Variants in ARID1B observed in about 807,000 individuals in gnomAD.
ARID1B encodes the protein AT-rich interaction domain 1B.
Under a neutral mutation model 212.3 loss-of-function variants are expected in ARID1B, and 30 were observed. The ratio of observed to expected loss-of-function variants is 0.14; its 90% confidence interval spans 0.11 to 0.19. The LOEUF (loss-of-function observed/expected upper bound fraction) is 0.19. ARID1B is among the 10% of genes least tolerant of loss of function. The pLI is 1.00. For missense variants in ARID1B, 2,891 were observed against 3,204.0 expected, an observed-to-expected ratio of 0.90 and a Z score of 2.36; for synonymous variants, 1,402 against 1,301.7, an observed-to-expected ratio of 1.08 and a Z score of -1.66.
intron 5 of ARID1B, among the ~76,000 whole-genome samples, chr6:157,097,970 C>T (rs577446045): frequency 1.4e-3 from 213 of 152,266 alleles, no homozygotes; most frequent in Non-Finnish European, 2.6e-3. Context: ...GCACAGCAGT[C>T]GATTTTTCCC....
intron 5 of ARID1B, among the ~76,000 whole-genome samples, chr6:157,102,265 G>A (rs554475793): frequency 6.6e-5 from 10 of 152,184 alleles, no homozygotes; most frequent in Middle Eastern, 3.4e-3. Flanking sequence ...TATAATTTAC[G>A]CAATTGCATC....
In ARID1B at chr6:157,190,122, C is replaced by A; in HGVS notation, c.4143C>A (p.Ala1381=). 1 of 1,614,200 alleles carries A rather than the reference C, an allele frequency of 6.2e-7. No homozygotes were observed. Among genetic ancestry groups the A allele is most frequent in the Non-Finnish European group, 8.5e-7 (1 of 1,180,048 alleles). Residue 1381 remains alanine (A), a synonymous_variant, in exon 15 of 20, where the codon GCC becomes GCA. Transcript: ENST00000636930. This position sits in a 1 kb window ranked among gnomAD's most constrained non-coding sequence, Gnocchi z 4.6. The part of the protein sequence containing the change: ...FPKRNSMTPN[A]PYQQGMSMPD... ...AACGGAACTCCATGACTCCAAACGC[C>A]CCCTACCAGCAGGGCATGAGCATGC...
chr6:156,813,957 T>C (rs1015808094), intron 1 of ARID1B, among the ~76,000 whole-genome samples: 1 of 152,176 alleles, frequency 6.6e-6, no homozygotes, highest in Non-Finnish European at 1.5e-5. Context: ...GCCTTCATGC[T>C]CCCGCGCTGT....
At chr6:156,924,487 C>T (rs185240233) in intron 3 of ARID1B, among the ~76,000 whole-genome samples, 61 of 152,366 alleles carry the variant, frequency 4.0e-4, no homozygotes, top group Non-Finnish European at 5.0e-4. Context: ...AGCACTGATA[C>T]TGGATCTGGT....
At chr6:156,813,078 A>G (rs544728589) in intron 1 of ARID1B, among the ~76,000 whole-genome samples, 5 of 139,524 alleles carry the variant, frequency 3.6e-5, no homozygotes, top group African/African-American at 5.4e-5. Flanking sequence ...ATATACACAC[A>G]TACGTATGTA....
intron 4 of ARID1B, among the ~76,000 whole-genome samples, chr6:157,015,572 G>T (rs1262890938): frequency 6.6e-6 from 1 of 152,168 alleles, no homozygotes; most frequent in Non-Finnish European, 1.5e-5. Flanking sequence ...ATAGATCCAT[G>T]AGGAAGATAA....
chr6:157,049,035 G>A (rs972628719), intron 4 of ARID1B, among the ~76,000 whole-genome samples: 4 of 152,094 alleles, frequency 2.6e-5, no homozygotes, highest in African/African-American at 2.4e-5. Flanking sequence ...TCAGCCAGGC[G>A]TGGTGGTGGG....
At chr6:157,175,547 C>T (rs1020004782) in intron 11 of ARID1B, 5 of 152,108 alleles carry the variant, frequency 3.3e-5, no homozygotes, top group Non-Finnish European at 4.4e-5. Flanking sequence ...TTAATAAAAA[C>T]GTACAAGTTG....
At chr6:157,016,174 T>G (rs980761472) in intron 4 of ARID1B, among the ~76,000 whole-genome samples, 1 of 152,252 alleles carries the variant, frequency 6.6e-6, no homozygotes, top group Admixed American at 6.5e-5. Context: ...ATTTCCCCTT[T>G]TAATGCTTTG....
chr6:156,879,020 T>G (rs943727282), intron 2 of ARID1B, among the ~76,000 whole-genome samples: 1 of 152,224 alleles, frequency 6.6e-6, no homozygotes, highest in East Asian at 1.9e-4. Flanking sequence ...GGTAGGACAG[T>G]TAGCTGTTGA....
chr6:156,934,888 T>A lies in ARID1B; in HGVS notation c.2137-578T>A, dbSNP rs149850426. On this transcript the variant is annotated intron_variant, in intron 3 of 19. Transcript: ENST00000636930. ...AACTCAAATACAGTACTTGGTATGG[T>A]CTCATAATAAATTTAGTTGTTAATT... is the stretch of plus-strand genomic sequence containing the variant. 8.2e-3 allele frequency among the ~76,000 whole-genome samples: 1,105 copies of A among 134,808 alleles called. 23 individuals carry two copies. Among genetic ancestry groups the A allele is most frequent in the African/African-American group, 0.029 (1,050 of 35,912 alleles). The allele number at this position is 134,808 out of a possible 152,430, so 88.4% of individuals were successfully genotyped here. A position where few individuals can be genotyped will look rare whatever the true frequency, so the allele number is the denominator to read the frequency against.
At chr6:157,150,340 C>G (rs900848714) in intron 8 of ARID1B, 1 of 152,158 alleles carries the variant, frequency 6.6e-6, no homozygotes, top group Admixed American at 6.5e-5. Flanking sequence ...TATATAAATA[C>G]ACATCCATGC....
rs1291445642 is a variant in ARID1B at position 157,206,457 on chromosome 6, A to G, written c.5685A>G (p.Ala1895=). 1.2e-6 allele frequency: 2 copies of G among 1,614,044 alleles called. No homozygotes were observed. Among genetic ancestry groups the G allele is most frequent in the Non-Finnish European group, 1.7e-6 (2 of 1,180,056 alleles). ...CTCTGACTGCCCCGGACGCCGCTGC[A>G]GACCCAAAGGAGAAGCCCAAGCAAG... is the stretch of plus-strand genomic sequence containing the variant. The part of the protein sequence containing the change: ...SIALTAPDAA[A]DPKEKPKQAS... Residue 1895 remains alanine (A), a synonymous_variant, in exon 20 of 20, where the codon GCA becomes GCG. Coordinates refer to ENST00000636930, the MANE Select transcript of ARID1B (RefSeq NM_001374828.1). The surrounding 1 kb of genome is among the most constrained non-coding windows in gnomAD (Gnocchi z 6.8).
chr6:156,868,032 GGATGGGTCATTTCCATCCTACCTTTCT>G (rs1785835959), intron 2 of ARID1B, among the ~76,000 whole-genome samples: 2 of 152,328 alleles, frequency 1.3e-5, no homozygotes, highest in African/African-American at 4.8e-5. Flanking sequence ...GGGGATTGAT[GGATGGGTCATTTCCATCCTACCTTTCT>G]ATGAGGAAAG....
intron 6 of ARID1B, among the ~76,000 whole-genome samples, chr6:157,125,267 C>G (rs1218971072): frequency 6.6e-6 from 1 of 152,140 alleles, no homozygotes; most frequent in African/African-American, 2.4e-5. Context: ...AGGAGGAAAA[C>G]CAATAAGCCT....
intron 4 of ARID1B, among the ~76,000 whole-genome samples, chr6:157,037,102 G>A (rs957429794): frequency 6.6e-6 from 1 of 152,168 alleles, no homozygotes; most frequent in African/African-American, 2.4e-5. Flanking sequence ...AGGAAAACAA[G>A]AGTTTCGTTT....
At chr6:156,862,958 G>A (rs887031162) in intron 2 of ARID1B, among the ~76,000 whole-genome samples, 1 of 152,248 alleles carries the variant, frequency 6.6e-6, no homozygotes, top group African/African-American at 2.4e-5. Flanking sequence ...AGAGGAGGTG[G>A]AGGGTGGCGT....
intron 3 of ARID1B, among the ~76,000 whole-genome samples, chr6:156,920,962 C>T (rs914547993): frequency 1.3e-5 from 2 of 151,900 alleles, no homozygotes; most frequent in African/African-American, 4.8e-5. Context: ...TCAAGTGATT[C>T]TCCTGCCTCA....
Position 156,778,927 on chromosome 6 carries a change from G to C in ARID1B, c.1247G>C (p.Gly416Ala), listed in dbSNP as rs1400909786. The part of the protein sequence containing the change: ...GGGGGGAGAG[G>A]AGAGAVAAAA... ...GGAGGAGGAGGAGCAGGAGCAGGAGGAGCAGGAGCGGGAGCTGTGGCGGCG... is the reference window on the plus strand; with the variant it reads ...GGAGGAGGAGGAGCAGGAGCAGGAGCAGCAGGAGCGGGAGCTGTGGCGGCG... Residue 416 changes from glycine (G) to alanine (A), a missense_variant, in exon 1 of 20, where the codon GGA becomes GCA. Around this residue, in one of 7 missense-constraint regions of ARID1B, gnomAD observed 1,643 missense variants for 1,544.0 expected, o/e 1.06. Coordinates refer to ENST00000636930, the MANE Select transcript of ARID1B (RefSeq NM_001374828.1). 4.5e-6 allele frequency: 6 copies of C among 1,319,840 alleles called. No individual in the cohort carries two copies. The highest frequency in any genetic ancestry group is 4.8e-6 in the Non-Finnish European group (5 of 1,041,366). 81.8% of individuals were successfully genotyped at this position (1,319,840 alleles called of 1,614,324 possible).
Sources: allele counts gnomAD v4.1 joint callset (sites outside exome capture counted in the v4.1 genomes callset), GRCh38; gene constraint gnomAD v4.1.1; regional missense constraint gnomAD v4.1.1; non-coding constraint Gnocchi (gnomAD v3.1); transcripts MANE v1.5; gene names NCBI Gene and HGNC (gene_info 2026-07-23, HGNC 2026-07-21).